Variants in THSD7B observed in about 807,000 individuals in gnomAD.
THSD7B encodes the protein thrombospondin type-1 domain-containing protein 7B.
Under a neutral mutation model 213.6 loss-of-function variants are expected in THSD7B, and 138 were observed. The observed-to-expected ratio is 0.65, with a 90% CI of 0.56 to 0.74. The LOEUF (loss-of-function observed/expected upper bound fraction) is 0.74. Among genes scored for constraint, THSD7B ranks in the 30% least tolerant of loss-of-function variants. The pLI, the probability that THSD7B is intolerant of heterozygous loss-of-function variation, is 0.00. For missense variants in THSD7B, 1,931 were observed against 1,991.5 expected (o/e 0.97, Z 0.58); for synonymous variants, 742 against 687.0 (o/e 1.08, Z -1.25).
At chr2:136,998,905 A>AACACAC (rs1685946349) in intron 2 of THSD7B, among the ~76,000 whole-genome samples, 2 of 85,328 alleles carry the variant, frequency 2.3e-5, no homozygotes, top group African/African-American at 5.9e-5. Context: ...TTGAATACCC[A>AACACAC]ACAGACACAC....
intron 25 of THSD7B, among the ~76,000 whole-genome samples, chr2:137,660,743 A>G (rs1683327915): frequency 1.3e-5 from 2 of 152,326 alleles, no homozygotes; most frequent in South Asian, 4.1e-4. Context: ...TGGCTTCAAT[A>G]GCTAAGCACA....
At chr2:137,420,219 C>G (rs574860020) in intron 14 of THSD7B, among the ~76,000 whole-genome samples, 3 of 152,214 alleles carry the variant, frequency 2.0e-5, no homozygotes, top group South Asian at 4.1e-4. Flanking sequence ...TCATCCACCC[C>G]ACTCTGAACT....
chr2:136,994,645 G>A (rs1685848817), intron 2 of THSD7B, among the ~76,000 whole-genome samples: 2 of 152,132 alleles, frequency 1.3e-5, no homozygotes, highest in Admixed American at 6.6e-5. Flanking sequence ...TATCTTATTT[G>A]ATCCCTATAA....
chr2:136,775,074 T>C (rs1458018739), intron 1 of THSD7B, among the ~76,000 whole-genome samples: 5 of 152,126 alleles, frequency 3.3e-5, no homozygotes, highest in Non-Finnish European at 7.4e-5. Flanking sequence ...ACATGCACAT[T>C]CTCTGTACTT....
chr2:137,090,274 A>C (rs921505505), intron 3 of THSD7B, among the ~76,000 whole-genome samples: 1 of 152,092 alleles, frequency 6.6e-6, no homozygotes, highest in East Asian at 1.9e-4. Flanking sequence ...TAAAACTAGA[A>C]TTGCATAGAA....
At chr2:137,072,281 G>A (rs71348726) in intron 3 of THSD7B, among the ~76,000 whole-genome samples, 29,849 of 151,856 alleles carry the variant, frequency 0.2, 4,425 homozygotes, top group African/African-American at 0.41. Context: ...CTTTTATTTC[G>A]TTGAGCAGTG....
chr2:137,149,192 G>A (rs1445918430), intron 5 of THSD7B, among the ~76,000 whole-genome samples: 1 of 152,180 alleles, frequency 6.6e-6, no homozygotes, highest in Admixed American at 6.5e-5. Context: ...GTGGTGTTGG[G>A]CCTTTTGGTG....
chr2:137,395,460 T>G (rs1333459408), intron 12 of THSD7B, among the ~76,000 whole-genome samples: 2 of 150,462 alleles, frequency 1.3e-5, no homozygotes, highest in Non-Finnish European at 3.0e-5. Flanking sequence ...TATGCTGGAT[T>G]ACATTTATTG....
chr2:136,888,298 A>G (rs548355173), intron 2 of THSD7B, among the ~76,000 whole-genome samples: 183 of 152,216 alleles, frequency 1.2e-3, no homozygotes, highest in African/African-American at 4.3e-3. Context: ...TGGAATTAAT[A>G]TTTTTGGAAA....
chr2:137,214,359 C>T (rs958096486), intron 7 of THSD7B, among the ~76,000 whole-genome samples: 3 of 152,108 alleles, frequency 2.0e-5, no homozygotes, highest in African/African-American at 7.2e-5. Context: ...CTCTAATAAG[C>T]ATCTCTAGCT....
intron 1 of THSD7B, among the ~76,000 whole-genome samples, chr2:136,765,930 G>C (rs984593764): frequency 2.6e-5 from 4 of 152,248 alleles, no homozygotes; most frequent in African/African-American, 9.6e-5. Context: ...GCAGTGTGCG[G>C]AGACCCTCTA....
intron 2 of THSD7B, among the ~76,000 whole-genome samples, chr2:137,010,240 A>G (rs1408814776): frequency 6.6e-6 from 1 of 152,236 alleles, no homozygotes; most frequent in African/African-American, 2.4e-5. Flanking sequence ...GAAACTAGAT[A>G]TTGGCACAGT....
At chr2:136,883,671 G>C (rs188336033) in intron 2 of THSD7B, among the ~76,000 whole-genome samples, 1 of 152,282 alleles carries the variant, frequency 6.6e-6, no homozygotes. Context: ...GATGTGTTAA[G>C]AAAATGGGGT....
At chr2:137,184,743 G>A (rs920945764) in intron 7 of THSD7B, among the ~76,000 whole-genome samples, 2 of 152,038 alleles carry the variant, frequency 1.3e-5, no homozygotes, top group African/African-American at 4.8e-5. Context: ...GGCAAGAGAA[G>A]AAAAGAAAGC....
intron 2 of THSD7B, among the ~76,000 whole-genome samples, chr2:136,962,123 C>T (rs1201662346): frequency 1.3e-5 from 2 of 152,178 alleles, no homozygotes; most frequent in African/African-American, 4.8e-5. Context: ...TGGAGAAAGA[C>T]TGCACAAGCC....
rs1679990512 is a variant in THSD7B, at chr2:137,160,240, G to C, written c.1397G>C (p.Cys466Ser). Residue 466 changes from cysteine (C) to serine (S), a missense_variant, in exon 6 of 28, where the codon TGT (cysteine) becomes TCT (serine). By Grantham distance (112) the Cys-to-Ser change is moderately radical. Coordinates refer to ENST00000409968, the MANE Select transcript of THSD7B (RefSeq NM_001316349.2). ...TCTAGACCTGTGGAAAAGGCATTATGTGTGGGACCCGCCCCGTTGCCCTCT... is the reference window on the plus strand; with the variant it reads ...TCTAGACCTGTGGAAAAGGCATTATCTGTGGGACCCGCCCCGTTGCCCTCT... ...EVSRPVEKAL[C>S]VGPAPLPSQL... 1 of 1,613,432 alleles carries C rather than the reference G, an allele frequency of 6.2e-7. No homozygotes were observed. Among genetic ancestry groups the C allele is most frequent in the Admixed American group, 1.7e-5 (1 of 59,958 alleles).
At chr2:137,638,628 A>G (rs750972123) in intron 20 of THSD7B, among the ~76,000 whole-genome samples, 1 of 152,216 alleles carries the variant, frequency 6.6e-6, no homozygotes, top group Non-Finnish European at 1.5e-5. Context: ...TCAGAAGAAG[A>G]CAAGAAAATG....
chr2:136,822,302 T>C (rs949839682), intron 1 of THSD7B, among the ~76,000 whole-genome samples: 1 of 152,166 alleles, frequency 6.6e-6, no homozygotes, highest in African/African-American at 2.4e-5. Context: ...AAGAATCCCT[T>C]CGGCCGTTTG....
chr2:137,651,220 G>A (rs1336522224), intron 21 of THSD7B, among the ~76,000 whole-genome samples: 2 of 151,824 alleles, frequency 1.3e-5, no homozygotes. Context: ...TTTTTCATGG[G>A]AGACTTTTAA....
Sources: gnomAD v4.1 joint callset for allele counts (sites outside exome capture counted in the v4.1 genomes callset) on GRCh38, gnomAD v4.1.1 for gene constraint, MANE v1.5 for transcripts, NCBI Gene and HGNC (gene_info 2026-07-23, HGNC 2026-07-21) for gene names.